The following RSBN1L variants were observed in gnomAD, a reference collection of about 807,000 sequenced individuals.
The protein encoded by RSBN1L is lysine-specific demethylase RSBN1L.
In RSBN1L, 30 loss-of-function variants were observed where a neutral mutation model predicts 67.7. The ratio of observed to expected loss-of-function variants is 0.44; its 90% confidence interval spans 0.33 to 0.60. The LOEUF (loss-of-function observed/expected upper bound fraction) is 0.60. RSBN1L is among the 20% of genes least tolerant of loss of function. The pLI is 0.02. For synonymous variants in RSBN1L, 433 were observed against 387.0 expected, an observed-to-expected ratio of 1.12 and a Z score of -1.39; for missense variants, 992 against 1,031.7, an observed-to-expected ratio of 0.96 and a Z score of 0.53.
chr7:77,711,378 C>T (rs1049914413), intron 1 of RSBN1L, among the ~76,000 whole-genome samples: 2 of 146,532 alleles, frequency 1.4e-5, no homozygotes, highest in African/African-American at 5.0e-5. Flanking sequence ...GTCTTGCTGT[C>T]ACCCAGGCCG....
chr7:77,698,085 A>C (rs572635738), intron 1 of RSBN1L, among the ~76,000 whole-genome samples: 1 of 152,266 alleles, frequency 6.6e-6, no homozygotes, highest in Admixed American at 6.5e-5. Flanking sequence ...TGCTGATCTA[A>C]CAGTAGCTCA....
chr7:77,750,199 A>G lies in RSBN1L; in HGVS notation c.1344+135A>G, dbSNP rs186616258. Reference sequence around the variant, plus strand: ...AAACCATTTGGGAGTATTAAGAGTAAATTACTTTCTTGATGTGAGCATCAG... The same window carrying G: ...AAACCATTTGGGAGTATTAAGAGTAGATTACTTTCTTGATGTGAGCATCAG... On this transcript the variant is annotated intron_variant, in intron 3 of 7. Transcript: ENST00000334955. 193 of 425,122 alleles carry G rather than the reference A, an allele frequency of 4.5e-4. 1 individual carries two copies. The highest frequency in any genetic ancestry group is 6.5e-4 in the Middle Eastern group (1 of 1,532). 26.3% of individuals were successfully genotyped at this position (425,122 alleles called of 1,614,324 possible). A position where few individuals can be genotyped will look rare whatever the true frequency, so the allele number is the denominator to read the frequency against.
At chr7:77,728,359 G>T (rs749165473) in intron 1 of RSBN1L, among the ~76,000 whole-genome samples, 2 of 152,202 alleles carry the variant, frequency 1.3e-5, no homozygotes, top group Non-Finnish European at 2.9e-5. Context: ...AGGCATTGCT[G>T]TATTGCTTTT....
chr7:77,706,921 T>C (rs1006285385), intron 1 of RSBN1L, among the ~76,000 whole-genome samples: 1 of 152,174 alleles, frequency 6.6e-6, no homozygotes, highest in African/African-American at 2.4e-5. Flanking sequence ...TATATATTAA[T>C]GATACTGTGT....
At chr7:77,722,100 G>A (rs1355219692) in intron 1 of RSBN1L, among the ~76,000 whole-genome samples, 2 of 152,156 alleles carry the variant, frequency 1.3e-5, no homozygotes, top group African/African-American at 4.8e-5. Flanking sequence ...TTTGTATTTG[G>A]ATGTTGGATG....
chr7:77,756,152 GAC>G (rs950190569), intron 3 of RSBN1L, among the ~76,000 whole-genome samples: 6 of 151,232 alleles, frequency 4.0e-5, no homozygotes, highest in Non-Finnish European at 8.8e-5. Context: ...TTTTTTTTGA[GAC>G]AGAGTCTAGC....
At chr7:77,774,987 G>A (rs557172268) in intron 6 of RSBN1L, among the ~76,000 whole-genome samples, 1 of 152,058 alleles carries the variant, frequency 6.6e-6, no homozygotes. Context: ...TCAGCCTCCT[G>A]AGTAGCTAGG....
intron 2 of RSBN1L, among the ~76,000 whole-genome samples, chr7:77,739,596 C>T (rs1056996158): frequency 4.0e-5 from 6 of 149,816 alleles, no homozygotes; most frequent in Admixed American, 4.0e-4. Flanking sequence ...GTCTGTAATC[C>T]CAGCTACTCG....
At chr7:77,725,243 A>AATTTTTTTTTTTTTTTTTT (rs1554338354) in intron 1 of RSBN1L, among the ~76,000 whole-genome samples, 7 of 57,914 alleles carry the variant, frequency 1.2e-4, no homozygotes, top group African/African-American at 5.3e-4. Context: ...TAAGCCCCCC[A>AATTTTTTTTTTTTTTTTTT]CTTTTTTTTT....
intron 1 of RSBN1L, among the ~76,000 whole-genome samples, chr7:77,722,546 T>C (rs1791133822): frequency 6.6e-6 from 1 of 152,184 alleles, no homozygotes; most frequent in African/African-American, 2.4e-5. Flanking sequence ...CTGTGATAAA[T>C]CACTTCTTTC....
intron 2 of RSBN1L, among the ~76,000 whole-genome samples, chr7:77,742,516 C>A (rs1205949604): frequency 1.3e-5 from 2 of 152,044 alleles, no homozygotes; most frequent in South Asian, 2.1e-4. Context: ...TTCCAGACTC[C>A]CAGAAGGAAA....
intron 3 of RSBN1L, among the ~76,000 whole-genome samples, chr7:77,760,106 A>C (rs1416821911): frequency 1.3e-5 from 2 of 152,224 alleles, no homozygotes; most frequent in African/African-American, 4.8e-5. Context: ...ATAAGTAAAA[A>C]ATCTTATAGA....
At position 77,767,041 on chromosome 7, in the gene RSBN1L, TCCCTTC is replaced by T. The variant is rs1198520132; in HGVS notation, c.1482+1424_1482+1429del. Among the ~76,000 whole-genome samples the T allele has an allele frequency of 1.7e-4, 23 of 137,752 alleles. No homozygotes were observed. The East Asian group carries it at 1.8e-3, about 10-fold the overall frequency. The allele number at this position is 137,752 out of a possible 152,430, so 90.4% of individuals were successfully genotyped here. ...TTCCCCTTCCCCTTCCCTTTCCCCT[TCCCTTC>T]CCCTTCCCCTTCCCTTTCCCCTTCC... On this transcript the variant is annotated intron_variant, in intron 4 of 7. Transcript: ENST00000334955.
chr7:77,729,854 TTAGG>T (rs1791252178), intron 1 of RSBN1L, among the ~76,000 whole-genome samples: 1 of 152,006 alleles, frequency 6.6e-6, no homozygotes, highest in South Asian at 2.1e-4. Flanking sequence ...CTTGAGGGGC[TTAGG>T]TAGGAGGATC....
chr7:77,746,082 G>A (rs1382042116), intron 2 of RSBN1L, among the ~76,000 whole-genome samples: 1 of 152,208 alleles, frequency 6.6e-6, no homozygotes, highest in African/African-American at 2.4e-5. Context: ...ACAGGCTATG[G>A]ACCAGTACCG....
At chr7:77,742,720 C>G (rs1791429584) in intron 2 of RSBN1L, among the ~76,000 whole-genome samples, 1 of 152,164 alleles carries the variant, frequency 6.6e-6, no homozygotes, top group South Asian at 2.1e-4. Flanking sequence ...GCCTGTAATT[C>G]CAGCTACTCA....
chr7:77,727,217 A>G (rs1217044009), intron 1 of RSBN1L, among the ~76,000 whole-genome samples: 1 of 151,710 alleles, frequency 6.6e-6, no homozygotes, highest in African/African-American at 2.4e-5. Flanking sequence ...CCTCCTGAGT[A>G]GCTGGGATTA....
At chr7:77,707,056 C>T (rs989628619) in intron 1 of RSBN1L, among the ~76,000 whole-genome samples, 1 of 146,414 alleles carries the variant, frequency 6.8e-6, no homozygotes, top group Non-Finnish European at 1.5e-5. Flanking sequence ...CAGAGTCTCA[C>T]TCTGTCACCC....
chr7:77,720,755 T>A (rs935920973), intron 1 of RSBN1L, among the ~76,000 whole-genome samples: 23 of 144,562 alleles, frequency 1.6e-4, no homozygotes, highest in Admixed American at 7.1e-4. Context: ...CTTTTTCATT[T>A]TCTTTTTCTT....
Sources: allele counts gnomAD v4.1 joint callset (sites outside exome capture counted in the v4.1 genomes callset), GRCh38; gene constraint gnomAD v4.1.1; transcripts MANE v1.5; gene names NCBI Gene and HGNC (gene_info 2026-07-23, HGNC 2026-07-21).